Variants in ECPAS observed in about 807,000 individuals in gnomAD.
The protein encoded by ECPAS is proteasome adapter and scaffold protein ECM29.
A neutral mutation model predicts 255.1 loss-of-function variants in ECPAS; 70 were observed. That is an observed-to-expected ratio of 0.27 (90% CI 0.23 to 0.33). The LOEUF (loss-of-function observed/expected upper bound fraction) is 0.33, where lower values mean the gene tolerates loss of function less well. Among genes scored for constraint, ECPAS ranks in the 10% least tolerant of loss-of-function variants. ECPAS has a pLI of 1.00. For missense variants in ECPAS, 1,817 were observed against 2,206.4 expected, an observed-to-expected ratio of 0.82 and a Z score of 3.54; for synonymous variants, 784 against 775.0, an observed-to-expected ratio of 1.01 and a Z score of -0.19.
intron 48 of ECPAS, among the ~76,000 whole-genome samples, chr9:111,364,343 A>C (rs1489119607): frequency 6.6e-6 from 1 of 152,236 alleles, no homozygotes; most frequent in African/African-American, 2.4e-5. Context: ...CACAGGAGGC[A>C]GCTTGAAAGG....
rs2098112696 is a variant in ECPAS at position 111,360,962 on chromosome 9, G to GC, written c.*1067dup. The stretch of plus-strand genomic sequence containing the variant: ...TCTTACCCTACACTTTCAGGCAGGG[G>GC]CATGGGCAACAGAAGGAAGGAGGAA... On this transcript the variant is annotated 3_prime_UTR_variant, in exon 50 of 50. Transcript: ENST00000684092. The GC allele has an allele frequency of 6.6e-6, 1 of 152,202 alleles. No homozygotes were observed. Among genetic ancestry groups the GC allele is most frequent in the South Asian group, 2.1e-4 (1 of 4,824 alleles). The allele number at this position is 152,202 out of a possible 1,614,324, so 9.4% of individuals were successfully genotyped here. A position where few individuals can be genotyped will look rare whatever the true frequency, so the allele number is the denominator to read the frequency against.
chr9:111,396,504 G>A (rs2098167895), intron 25 of ECPAS, among the ~76,000 whole-genome samples: 1 of 152,138 alleles, frequency 6.6e-6, no homozygotes, highest in Non-Finnish European at 1.5e-5. Flanking sequence ...TGACTCCCCT[G>A]CTTGCTTGCC....
intron 2 of ECPAS, among the ~76,000 whole-genome samples, chr9:111,466,221 A>T (rs1215439443): frequency 1.3e-5 from 2 of 151,886 alleles, no homozygotes; most frequent in African/African-American, 4.8e-5. Flanking sequence ...GGCCGAGGTA[A>T]GTGATCACGA....
chr9:111,371,831 T>G lies in ECPAS; in HGVS notation c.4529-2A>C. 1.3e-6 allele frequency: 2 copies of G among 1,597,420 alleles called. No individual in the cohort carries two copies. The highest frequency in any genetic ancestry group is 1.7e-6 in the Non-Finnish European group (2 of 1,170,930). ...ATAATCGAATGCCACCAAAGGATCCTAGGAAAGCAAAATTAAAACAACTTT... is the reference window on the plus strand; with the variant it reads ...ATAATCGAATGCCACCAAAGGATCCGAGGAAAGCAAAATTAAAACAACTTT... On this transcript the variant is annotated splice_acceptor_variant, in intron 42 of 49. Transcript: ENST00000684092. LOFTEE classifies it high-confidence loss of function.
At chr9:111,372,716 A>C (rs1242485181) in intron 41 of ECPAS, 96 bp from the exon 42 acceptor site, 5 of 936,880 alleles carry the variant, frequency 5.3e-6, no homozygotes, top group Non-Finnish European at 7.8e-6. Context: ...TAGCAAAACA[A>C]ACAGGTAAAA....
At chr9:111,478,561 A>T (rs375527311) in intron 1 of ECPAS, among the ~76,000 whole-genome samples, 1 of 143,958 alleles carries the variant, frequency 6.9e-6, no homozygotes, top group Non-Finnish European at 1.5e-5. Flanking sequence ...ATAAATAAAT[A>T]AAATAAAAGA....
At chr9:111,456,733 C>G (rs1287302412) in intron 2 of ECPAS, among the ~76,000 whole-genome samples, 1 of 152,208 alleles carries the variant, frequency 6.6e-6, no homozygotes, top group East Asian at 1.9e-4. Context: ...CCAGCACCCT[C>G]CCAGTTTCAC....
At chr9:111,398,044 A>G (rs1335036085) in intron 24 of ECPAS, among the ~76,000 whole-genome samples, 1 of 152,212 alleles carries the variant, frequency 6.6e-6, no homozygotes, top group Non-Finnish European at 1.5e-5. Context: ...ACCGGAAGAA[A>G]TTTAGGAGGA....
chr9:111,464,921 C>A (rs1164737165), intron 2 of ECPAS, among the ~76,000 whole-genome samples: 2 of 151,948 alleles, frequency 1.3e-5, no homozygotes, highest in African/African-American at 4.8e-5. Context: ...TGGTGGCTCA[C>A]GCTTGTAATC....
chr9:111,469,193 G>T (rs2098283259), intron 2 of ECPAS, among the ~76,000 whole-genome samples: 1 of 151,448 alleles, frequency 6.6e-6, no homozygotes, highest in African/African-American at 2.4e-5. Flanking sequence ...AGCCAAAATT[G>T]TGCCACTGCA....
chr9:111,373,887 T>A (rs1488033908), intron 39 of ECPAS, 85 bp downstream of exon 39: 2 of 988,816 alleles, frequency 2.0e-6, no homozygotes, highest in Admixed American at 3.5e-5. Context: ...CAGGTCTGAA[T>A]GATAAGTATT....
At chr9:111,382,421 C>T (rs1445964840) in intron 35 of ECPAS, among the ~76,000 whole-genome samples, 4 of 151,928 alleles carry the variant, frequency 2.6e-5, no homozygotes, top group African/African-American at 7.3e-5. Flanking sequence ...TGCACCACCA[C>T]ACCCGGCTAA....
At chr9:111,363,562 C>A in intron 49 of ECPAS, 26 bp downstream of exon 49, 1 of 1,404,758 alleles carries the variant, frequency 7.1e-7, no homozygotes, top group South Asian at 1.2e-5. Flanking sequence ...TTTATGGTCC[C>A]CCAGTCAGAA....
At chr9:111,410,365 G>A (rs2098192089) in intron 22 of ECPAS, among the ~76,000 whole-genome samples, 152 bp from the exon 23 acceptor site, 1 of 152,138 alleles carries the variant, frequency 6.6e-6, no homozygotes, top group East Asian at 1.9e-4. Flanking sequence ...CATTTATTCA[G>A]TGGAAAGACA....
At chr9:111,367,748 T>C (rs922267248) in intron 46 of ECPAS, among the ~76,000 whole-genome samples, 1 of 152,134 alleles carries the variant, frequency 6.6e-6, no homozygotes, top group African/African-American at 2.4e-5. Flanking sequence ...TTTTATAACA[T>C]TCAATAATAT....
At chr9:111,362,586 T>TGCAA in intron 49 of ECPAS, among the ~76,000 whole-genome samples, 2 of 152,224 alleles carry the variant, frequency 1.3e-5, no homozygotes, top group South Asian at 4.1e-4. Context: ...ATGTCATAAT[T>TGCAA]GCAAGGTCAG....
At chr9:111,370,140 C>G (rs2098125541) in intron 45 of ECPAS, among the ~76,000 whole-genome samples, 1 of 152,212 alleles carries the variant, frequency 6.6e-6, no homozygotes. Flanking sequence ...CTTGCTTCAT[C>G]TCCTCTGCAT....
intron 6 of ECPAS, among the ~76,000 whole-genome samples, chr9:111,438,509 G>T (rs1484845348): frequency 6.6e-6 from 1 of 152,192 alleles, no homozygotes; most frequent in Non-Finnish European, 1.5e-5. Context: ...TCAGAAGGCT[G>T]AGGTGAGAGG....
chr9:111,483,965 T>A, intron 1 of ECPAS, 151 bp downstream of exon 1: 17 of 984,662 alleles, frequency 1.7e-5, no homozygotes, highest in Non-Finnish European at 1.9e-5. Context: ...CCTCGCTCGC[T>A]CGCGGCTCGT....
Sources: gnomAD v4.1 joint callset for allele counts (sites outside exome capture counted in the v4.1 genomes callset) on GRCh38, gnomAD v4.1.1 for gene constraint, MANE v1.5 for transcripts, NCBI Gene and HGNC (gene_info 2026-07-23, HGNC 2026-07-21) for gene names.